FBXL17: variants seen among roughly 807,000 people sequenced by gnomAD.
FBXL17 encodes the protein F-box and leucine rich repeat protein 17.
Under a neutral mutation model 66.2 loss-of-function variants are expected in FBXL17, and 22 were observed. The observed-to-expected ratio is 0.33, with a 90% CI of 0.24 to 0.47. The LOEUF is 0.47. Among genes scored for constraint, FBXL17 ranks in the 20% least tolerant of loss-of-function variants. The probability of loss-of-function intolerance (pLI) is 1.00; values close to 1 mark genes in which losing one functional copy is unlikely to be tolerated. For synonymous variants in FBXL17, 474 were observed against 400.5 expected, an observed-to-expected ratio of 1.18 and a Z score of -2.19; for missense variants, 878 against 948.2, an observed-to-expected ratio of 0.93 and a Z score of 0.97.
At chr5:108,346,632 T>C (rs1299295719) in intron 4 of FBXL17, among the ~76,000 whole-genome samples, 2 of 152,116 alleles carry the variant, frequency 1.3e-5, no homozygotes, top group African/African-American at 4.8e-5. Context: ...AACCAAAAGT[T>C]AGGTAACAAA....
chr5:107,898,524 A>G (rs1749459552), intron 7 of FBXL17, among the ~76,000 whole-genome samples: 3 of 151,974 alleles, frequency 2.0e-5, no homozygotes, highest in Admixed American at 1.3e-4. Flanking sequence ...TATATTTTAC[A>G]GGTTTGTTAC....
chr5:107,908,443 A>T (rs1326548723), intron 7 of FBXL17, among the ~76,000 whole-genome samples: 1 of 152,212 alleles, frequency 6.6e-6, no homozygotes, highest in Non-Finnish European at 1.5e-5. Context: ...GAGACATTAA[A>T]ATATATCATT....
Position 108,381,311 on chromosome 5 carries a change from G to T in FBXL17, c.381C>A (p.Ala127=). The change falls in exon 1 of 9, where the codon GCC becomes GCA. Residue 127 remains alanine (A), a synonymous_variant. Coordinates refer to ENST00000542267, the MANE Select transcript of FBXL17 (RefSeq NM_001163315.3). ...RRFLLSSAAA[A]AAAAASASSP... is the part of the protein sequence containing the mutation. ...ACGAAGCCGAGGCGGCAGCGGCGGC[G>T]GCGGCGGCGGCCGAGGATAGCAGGA... 1 of 1,396,002 alleles carries T rather than the reference G, an allele frequency of 7.2e-7. No homozygotes were observed. The highest frequency in any genetic ancestry group is 3.1e-5 in the Admixed American group (1 of 31,866). 86.5% of individuals were successfully genotyped at this position (1,396,002 alleles called of 1,614,324 possible).
intron 6 of FBXL17, among the ~76,000 whole-genome samples, chr5:108,030,085 TAACA>T (rs1266154399): frequency 6.6e-6 from 1 of 152,184 alleles, no homozygotes; most frequent in Admixed American, 6.6e-5. Context: ...AGAGAACTCT[TAACA>T]AATATATTTT....
At chr5:108,104,935 G>A (rs1205995294) in intron 6 of FBXL17, among the ~76,000 whole-genome samples, 8 of 151,994 alleles carry the variant, frequency 5.3e-5, no homozygotes, top group Admixed American at 2.0e-4. Flanking sequence ...CCCACCTCCC[G>A]GGTTCACGCC....
intron 6 of FBXL17, among the ~76,000 whole-genome samples, chr5:108,107,811 C>CAAAAAAA (rs143806373): frequency 8.3e-6 from 1 of 120,744 alleles, no homozygotes; most frequent in African/African-American, 3.2e-5. Context: ...GACTCTGTCT[C>CAAAAAAA]AAAAAAAAAA....
At chr5:108,279,501 A>T (rs1451234826) in intron 4 of FBXL17, among the ~76,000 whole-genome samples, 1 of 152,090 alleles carries the variant, frequency 6.6e-6, no homozygotes, top group African/African-American at 2.4e-5. Context: ...GCATGCACCC[A>T]GAAACAAAAC....
chr5:107,859,531 G>C lies in FBXL17; in HGVS notation c.*2189C>G, dbSNP rs1748064866. 1 of 149,652 alleles carries C rather than the reference G, an allele frequency of 6.7e-6. No individual in the cohort carries two copies. The highest frequency in any genetic ancestry group is 1.5e-5 in the Non-Finnish European group (1 of 67,716). 9.3% of individuals were successfully genotyped at this position (149,652 alleles called of 1,614,324 possible). A position where few individuals can be genotyped will look rare whatever the true frequency, so the allele number is the denominator to read the frequency against. ...TTTCTGGATTAGTCAACATTTTAGA[G>C]AATAAGTGCAAGTCCCCACCCCACC... On this transcript the variant is annotated 3_prime_UTR_variant, in exon 9 of 9. Coordinates refer to ENST00000542267, the MANE Select transcript of FBXL17 (RefSeq NM_001163315.3).
At chr5:108,262,504 T>A (rs183694844) in intron 4 of FBXL17, among the ~76,000 whole-genome samples, 33 of 152,252 alleles carry the variant, frequency 2.2e-4, no homozygotes, top group African/African-American at 5.8e-4. Context: ...ACTCAAAGCA[T>A]CCCTCTCAAA....
At chr5:108,299,714 G>T in intron 4 of FBXL17, 2 of 984,902 alleles carry the variant, frequency 2.0e-6, no homozygotes, top group Non-Finnish European at 2.4e-6. Flanking sequence ...AGTAATGCCT[G>T]GGTCCCTAGG....
At chr5:108,178,210 AT>A (rs1344402506) in intron 6 of FBXL17, among the ~76,000 whole-genome samples, 6 of 151,754 alleles carry the variant, frequency 4.0e-5, no homozygotes, top group Non-Finnish European at 8.8e-5. Context: ...ATGCCCGGCT[AT>A]TTTTTAAAAA....
intron 7 of FBXL17, among the ~76,000 whole-genome samples, chr5:107,889,623 A>G (rs1187860091): frequency 1.3e-5 from 2 of 152,192 alleles, no homozygotes; most frequent in Non-Finnish European, 2.9e-5. Flanking sequence ...TTCTGGGAAG[A>G]GGCTCTCCTG....
At chr5:108,005,066 ATTGCTAGAGTGTCAAATT>A (rs2112723633) in intron 7 of FBXL17, among the ~76,000 whole-genome samples, 1 of 150,912 alleles carries the variant, frequency 6.6e-6, no homozygotes, top group East Asian at 1.9e-4. Context: ...AGCAAAGCAA[ATTGCTAGAGTGTCAAATT>A]TTCAATGACT....
intron 4 of FBXL17, among the ~76,000 whole-genome samples, chr5:108,300,095 TTTAGAA>T (rs1248258099): frequency 1.6e-4 from 25 of 152,070 alleles, no homozygotes; most frequent in African/African-American, 5.8e-4. Context: ...TTGTTAACAT[TTTAGAA>T]TAATCACTGC....
At chr5:108,174,340 G>A (rs963510792) in intron 6 of FBXL17, among the ~76,000 whole-genome samples, 1 of 152,160 alleles carries the variant, frequency 6.6e-6, no homozygotes, top group African/African-American at 2.4e-5. Flanking sequence ...AAAAAATAGT[G>A]ACTATTCTAA....
intron 4 of FBXL17, among the ~76,000 whole-genome samples, chr5:108,318,156 A>G (rs1369530152): frequency 6.6e-6 from 1 of 151,722 alleles, no homozygotes; most frequent in Non-Finnish European, 1.5e-5. Context: ...TGCACAACAA[A>G]GATGCCTTGT....
At chr5:108,140,676 T>C (rs1009625832) in intron 6 of FBXL17, among the ~76,000 whole-genome samples, 9 of 152,164 alleles carry the variant, frequency 5.9e-5, no homozygotes, top group Non-Finnish European at 7.4e-5. Flanking sequence ...GATTGACATA[T>C]CCTGAATGCC....
At chr5:108,274,562 G>C (rs1757408638) in intron 4 of FBXL17, among the ~76,000 whole-genome samples, 1 of 152,102 alleles carries the variant, frequency 6.6e-6, no homozygotes, top group Non-Finnish European at 1.5e-5. Flanking sequence ...AATTATTACA[G>C]GGTCCTGAGG....
At chr5:108,292,152 G>A (rs1561510581) in intron 4 of FBXL17, among the ~76,000 whole-genome samples, 1 of 147,174 alleles carries the variant, frequency 6.8e-6, no homozygotes, top group African/African-American at 2.5e-5. Context: ...AGACAGTTTC[G>A]CTTTTGTTGC....
Sources: allele counts gnomAD v4.1 joint callset (sites outside exome capture counted in the v4.1 genomes callset), GRCh38; gene constraint gnomAD v4.1.1; transcripts MANE v1.5; gene names NCBI Gene and HGNC (gene_info 2026-07-23, HGNC 2026-07-21).